Variants in MICU1 observed in about 807,000 individuals in gnomAD.
MICU1 encodes calcium uptake protein 1, mitochondrial.
Under a neutral mutation model 56.8 loss-of-function variants are expected in MICU1, and 45 were observed. The observed-to-expected ratio is 0.79, with a 90% CI of 0.62 to 1.02. MICU1 has a LOEUF of 1.02. Ranked by LOEUF, MICU1 falls within the 50% of genes least tolerant of loss-of-function variation. The pLI is 0.00. For synonymous variants in MICU1, 186 were observed against 195.1 expected, an observed-to-expected ratio of 0.95 and a Z score of 0.39; for missense variants, 504 against 587.1, an observed-to-expected ratio of 0.86 and a Z score of 1.46.
chr10:72,426,738 C>T (rs1864359789), intron 8 of MICU1, among the ~76,000 whole-genome samples: 1 of 152,082 alleles, frequency 6.6e-6, no homozygotes, highest in Non-Finnish European at 1.5e-5. Context: ...AAGTATAACA[C>T]AAATGTTCCA....
intron 6 of MICU1, among the ~76,000 whole-genome samples, chr10:72,482,425 G>A (rs562773606): frequency 2.0e-5 from 3 of 152,288 alleles, no homozygotes; most frequent in African/African-American, 7.2e-5. Flanking sequence ...GATATGCAAT[G>A]TCAGAGAAGT....
At chr10:72,446,576 G>A (rs561351275) in intron 8 of MICU1, among the ~76,000 whole-genome samples, 12 of 152,196 alleles carry the variant, frequency 7.9e-5, no homozygotes, top group East Asian at 1.9e-4. Context: ...TGATCCACCC[G>A]CCTCAGCCTC....
At chr10:72,370,473 C>G (rs753505236) in intron 11 of MICU1, among the ~76,000 whole-genome samples, 33 of 152,016 alleles carry the variant, frequency 2.2e-4, no homozygotes, top group Non-Finnish European at 4.4e-4. Context: ...GACAGGAAAC[C>G]CCCCACAGCA....
chr10:72,529,478 C>T (rs146730077), intron 5 of MICU1, among the ~76,000 whole-genome samples: 262 of 152,168 alleles, frequency 1.7e-3, no homozygotes, highest in African/African-American at 5.6e-3. Context: ...TCCAACGTTG[C>T]GGAAATTGGT....
rs535354239 is a variant in MICU1, at chr10:72,395,420, T to C, written c.1180+12509A>G. Among the ~76,000 whole-genome samples, 14 of 152,242 alleles carry C rather than the reference T, an allele frequency of 9.2e-5. No homozygotes were observed. In the South Asian group the frequency reaches 1.9e-3, roughly 20 times the overall value. On this transcript the variant is annotated intron_variant, in intron 10 of 11. Coordinates refer to ENST00000361114, the MANE Select transcript of MICU1 (RefSeq NM_001195518.2). ...CAATTGAGGTATCTGGTTCATCTCA[T>C]TGGGACTGGTTGGACAGTGGGTGCA...
At chr10:72,592,557 C>T (rs1841257868) in intron 1 of MICU1, among the ~76,000 whole-genome samples, 1 of 152,056 alleles carries the variant, frequency 6.6e-6, no homozygotes, top group Non-Finnish European at 1.5e-5. Flanking sequence ...CTTATGAATA[C>T]TGGTGTAAAA....
chr10:72,566,050 T>TC (rs1840428493), intron 2 of MICU1, among the ~76,000 whole-genome samples: 1 of 144,962 alleles, frequency 6.9e-6, no homozygotes, highest in African/African-American at 2.5e-5. Context: ...TTTTTTTTTT[T>TC]TTTTTTTTTT....
intron 1 of MICU1, among the ~76,000 whole-genome samples, chr10:72,609,259 T>C (rs1372851482): frequency 6.6e-6 from 1 of 152,162 alleles, no homozygotes; most frequent in Non-Finnish European, 1.5e-5. Flanking sequence ...GGGTTTCTGT[T>C]TGAGAAGATG....
intron 4 of MICU1, among the ~76,000 whole-genome samples, chr10:72,539,847 A>C (rs1308422291): frequency 6.6e-6 from 1 of 152,174 alleles, no homozygotes; most frequent in Admixed American, 6.5e-5. Context: ...AGAGGAAGAA[A>C]CTCATATATT....
At chr10:72,414,700 A>G (rs1863927347) in intron 9 of MICU1, among the ~76,000 whole-genome samples, 1 of 152,242 alleles carries the variant, frequency 6.6e-6, no homozygotes, top group Admixed American at 6.5e-5. Flanking sequence ...TGGTATATAA[A>G]TTATACCTCA....
chr10:72,419,691 A>G (rs982233950), intron 9 of MICU1, among the ~76,000 whole-genome samples: 1 of 152,204 alleles, frequency 6.6e-6, no homozygotes, highest in African/African-American at 2.4e-5. Context: ...CTTTAAAGCT[A>G]GAAGGGCCCT....
intron 1 of MICU1, among the ~76,000 whole-genome samples, chr10:72,572,753 C>T (rs1235887649): frequency 1.3e-5 from 2 of 151,926 alleles, no homozygotes; most frequent in African/African-American, 2.4e-5. Flanking sequence ...GCAAATTAAA[C>T]CTATACTCAG....
At chr10:72,477,306 T>A in intron 6 of MICU1, 50 bp from the exon 7 acceptor site, 1 of 1,412,644 alleles carries the variant, frequency 7.1e-7, no homozygotes, top group Non-Finnish European at 9.6e-7. Context: ...CAAAAATAAA[T>A]CCCTTTTTAA....
At chr10:72,405,266 A>ATGGAGTGCAATGGCGCAATCTCGGCTCAC (rs1863589408) in intron 10 of MICU1, among the ~76,000 whole-genome samples, 2 of 141,760 alleles carry the variant, frequency 1.4e-5, no homozygotes, top group African/African-American at 5.3e-5. Flanking sequence ...GTCGCCCAGA[A>ATGGAGTGCAATGGCGCAATCTCGGCTCAC]TGGAGTGCAA....
chr10:72,505,864 TG>T (rs1867230173), intron 6 of MICU1, among the ~76,000 whole-genome samples: 1 of 152,152 alleles, frequency 6.6e-6, no homozygotes, highest in South Asian at 2.1e-4. Flanking sequence ...TTGGGTACTA[TG>T]CTCACTATCT....
At chr10:72,475,072 G>A (rs1866072018) in intron 8 of MICU1, 28 bp downstream of exon 8, 1 of 1,583,218 alleles carries the variant, frequency 6.3e-7, no homozygotes, top group Non-Finnish European at 8.6e-7. Flanking sequence ...CACATGTGAT[G>A]GATCTACTGA....
At chr10:72,448,032 A>G (rs1160495802) in intron 8 of MICU1, among the ~76,000 whole-genome samples, 4 of 151,210 alleles carry the variant, frequency 2.6e-5, no homozygotes, top group African/African-American at 9.7e-5. Context: ...GCTTAATCTT[A>G]TCATCCATTT....
chr10:72,442,569 T>C (rs1414130530), intron 8 of MICU1, among the ~76,000 whole-genome samples: 1 of 152,226 alleles, frequency 6.6e-6, no homozygotes, highest in East Asian at 1.9e-4. Flanking sequence ...AAAAGACGAC[T>C]TGTTTTATGC....
At chr10:72,427,779 A>G (rs1589209617) in intron 8 of MICU1, among the ~76,000 whole-genome samples, 1 of 145,336 alleles carries the variant, frequency 6.9e-6, no homozygotes, top group East Asian at 2.3e-4. Context: ...TGAATGATAA[A>G]TTTCTTGATA....
Sources: allele counts gnomAD v4.1 joint callset (sites outside exome capture counted in the v4.1 genomes callset), GRCh38; gene constraint gnomAD v4.1.1; transcripts MANE v1.5; gene names NCBI Gene and HGNC (gene_info 2026-07-23, HGNC 2026-07-21).